SEMA6A: variants seen among roughly 807,000 people sequenced by gnomAD.
The protein encoded by SEMA6A is semaphorin-6A.
Under a neutral mutation model 96.8 loss-of-function variants are expected in SEMA6A, and 25 were observed. The ratio of observed to expected loss-of-function variants is 0.26; its 90% CI spans 0.19 to 0.36. The LOEUF is 0.36. Ranked by LOEUF, SEMA6A falls within the 10% of genes least tolerant of loss-of-function variation. The probability of loss-of-function intolerance (pLI) is 1.00; values close to 1 mark genes in which losing one functional copy is unlikely to be tolerated. For synonymous variants in SEMA6A, 612 were observed against 518.0 expected (o/e 1.18, Z -2.46); for missense variants, 1,363 against 1,323.1 (o/e 1.03, Z -0.47).
intron 12 of SEMA6A, among the ~76,000 whole-genome samples, chr5:116,479,552 C>A (rs1402683678): frequency 1.3e-5 from 2 of 152,122 alleles, no homozygotes; most frequent in East Asian, 3.8e-4. Flanking sequence ...CTTGGGAAAG[C>A]CTGTTGAACT....
At chr5:116,474,203 T>A (rs1756322117) in intron 16 of SEMA6A, among the ~76,000 whole-genome samples, 1 of 151,798 alleles carries the variant, frequency 6.6e-6, no homozygotes, top group South Asian at 2.1e-4. Context: ...ACACCACTAT[T>A]GCAAGTAATA....
intron 7 of SEMA6A, among the ~76,000 whole-genome samples, 168 bp from the exon 8 acceptor site, chr5:116,489,175 T>C (rs1757209694): frequency 1.3e-5 from 2 of 152,134 alleles, no homozygotes; most frequent in Non-Finnish European, 2.9e-5. Context: ...TTCCTAACCA[T>C]TTTAAATTGG....
intron 1 of SEMA6A, among the ~76,000 whole-genome samples, chr5:116,513,266 T>G (rs1367512203): frequency 6.6e-6 from 1 of 152,090 alleles, no homozygotes; most frequent in Non-Finnish European, 1.5e-5. Flanking sequence ...TAGCTGGGAT[T>G]ATAGGCATAC....
At chr5:116,563,859 G>A (rs919697420) in intron 1 of SEMA6A, among the ~76,000 whole-genome samples, 1 of 152,148 alleles carries the variant, frequency 6.6e-6, no homozygotes. Context: ...ATAATCAGGG[G>A]TCCATAATAC....
At chr5:116,541,215 A>G (rs1759948940) in intron 1 of SEMA6A, among the ~76,000 whole-genome samples, 1 of 152,198 alleles carries the variant, frequency 6.6e-6, no homozygotes, top group African/African-American at 2.4e-5. Flanking sequence ...GGTGATATCA[A>G]CGTGTCCAGT....
intron 13 of SEMA6A, 169 bp downstream of exon 13, chr5:116,478,373 C>T (rs1299459228): frequency 1.5e-5 from 12 of 806,538 alleles, no homozygotes. Flanking sequence ...CACACACACA[C>T]ATTGGCAAGG....
intron 17 of SEMA6A, chr5:116,472,743 A>AAATT (rs2112667672): frequency 1.6e-6 from 1 of 619,170 alleles, no homozygotes; most frequent in East Asian, 3.0e-5. Flanking sequence ...AAGGACGGTG[A>AAATT]AATTAATAAA....
intron 18 of SEMA6A, among the ~76,000 whole-genome samples, chr5:116,462,338 A>G (rs551375112): frequency 6.6e-6 from 1 of 152,172 alleles, no homozygotes; most frequent in Non-Finnish European, 1.5e-5. Context: ...AGGGTAAGCT[A>G]TTGCCAGGCC....
At chr5:116,450,709 T>G (rs1474695038) in intron 18 of SEMA6A, among the ~76,000 whole-genome samples, 1 of 152,174 alleles carries the variant, frequency 6.6e-6, no homozygotes, top group Non-Finnish European at 1.5e-5. Flanking sequence ...TTTTCCCCCG[T>G]CTCATTTTGT....
chr5:116,465,826 G>T (rs1286729081), intron 18 of SEMA6A, among the ~76,000 whole-genome samples: 1 of 151,996 alleles, frequency 6.6e-6, no homozygotes, highest in Non-Finnish European at 1.5e-5. Context: ...GTTTTATTTT[G>T]TTTCAGAAAA....
intron 1 of SEMA6A, among the ~76,000 whole-genome samples, chr5:116,571,923 C>T (rs539795973): frequency 6.6e-6 from 1 of 152,282 alleles, no homozygotes; most frequent in South Asian, 2.1e-4. Context: ...ACATAGGCAT[C>T]TTTACTTTGG....
chr5:116,554,863 A>G (rs945710213), intron 1 of SEMA6A: 2 of 152,200 alleles, frequency 1.3e-5, no homozygotes, highest in Non-Finnish European at 2.9e-5. Context: ...GAGATGGTCA[A>G]CAGCAGATAC....
intron 18 of SEMA6A, among the ~76,000 whole-genome samples, chr5:116,458,791 A>G (rs972285690): frequency 3.2e-4 from 48 of 152,070 alleles, no homozygotes; most frequent in Non-Finnish European, 8.8e-5. Flanking sequence ...AAATTCAGCA[A>G]GTTGTCAAAA....
chr5:116,448,571 T>G (rs1754421930), intron 18 of SEMA6A, among the ~76,000 whole-genome samples: 1 of 152,130 alleles, frequency 6.6e-6, no homozygotes, highest in Admixed American at 6.5e-5. Context: ...TCACACACTC[T>G]GGGCTTCCAG....
intron 11 of SEMA6A, among the ~76,000 whole-genome samples, chr5:116,481,759 A>C (rs1198158183): frequency 6.6e-6 from 1 of 152,140 alleles, no homozygotes; most frequent in Admixed American, 6.6e-5. Context: ...CTCCTGTCCC[A>C]GTTAGGATGA....
At chr5:116,529,833 G>A (rs556686751) in intron 1 of SEMA6A, among the ~76,000 whole-genome samples, 2 of 152,204 alleles carry the variant, frequency 1.3e-5, no homozygotes, top group South Asian at 2.1e-4. Flanking sequence ...AACACGGGAG[G>A]CTGCTTGAGG....
intron 1 of SEMA6A, among the ~76,000 whole-genome samples, chr5:116,532,128 C>T (rs142809923): frequency 0.029 from 4,475 of 152,252 alleles, 87 homozygotes; most frequent in Non-Finnish European, 0.046. Context: ...AATTTATGTT[C>T]GAGTGCTATT....
intron 1 of SEMA6A, among the ~76,000 whole-genome samples, chr5:116,509,758 G>A (rs570381201): frequency 1.3e-5 from 2 of 152,226 alleles, no homozygotes; most frequent in East Asian, 3.9e-4. Context: ...CTGAGGTGGG[G>A]TGAGGTGCTG....
intron 10 of SEMA6A, among the ~76,000 whole-genome samples, chr5:116,483,216 C>T (rs1311172010): frequency 1.3e-5 from 2 of 152,200 alleles, no homozygotes; most frequent in Admixed American, 1.3e-4. Context: ...TGGCCATCAG[C>T]TCCACCTATA....
Sources: gnomAD v4.1 joint callset for allele counts (sites outside exome capture counted in the v4.1 genomes callset) on GRCh38, gnomAD v4.1.1 for gene constraint, MANE v1.5 for transcripts, NCBI Gene and HGNC (gene_info 2026-07-23, HGNC 2026-07-21) for gene names.